The following ENTPD8 variants were observed in gnomAD, a reference collection of about 807,000 sequenced individuals.
ENTPD8 encodes the protein ectonucleoside triphosphate diphosphohydrolase 8.
Under a neutral mutation model 47.0 loss-of-function variants are expected in ENTPD8, and 35 were observed. That is an observed-to-expected ratio of 0.75 (90% CI 0.57 to 0.99). The LOEUF (loss-of-function observed/expected upper bound fraction) is 0.99. ENTPD8 is among the 50% of genes least tolerant of loss of function. The pLI is 0.00. For missense variants in ENTPD8, 668 were observed against 649.9 expected, an observed-to-expected ratio of 1.03 and a Z score of -0.30; for synonymous variants, 308 against 290.5, an observed-to-expected ratio of 1.06 and a Z score of -0.61.
In ENTPD8 at chr9:137,436,698, G is replaced by C. The variant is rs575965553; in HGVS notation, c.609C>G (p.Ala203=). 1 of 1,598,384 alleles carries C rather than the reference G, an allele frequency of 6.3e-7. No homozygotes were observed. The highest frequency in any genetic ancestry group is 1.1e-5 in the South Asian group (1 of 89,424). The change falls in exon 6 of 10, where the codon GCC becomes GCG. Residue 203 remains alanine (A), a synonymous_variant. Coordinates refer to ENST00000371506, the MANE Select transcript of ENTPD8 (RefSeq NM_001033113.2). ...IQPPEEMLVG[A]LDMGGASTQI... The stretch of plus-strand genomic sequence containing the variant: ...GGGTGGAGGCCCCTCCCATGTCCAG[G>C]GCACCCACCAGCATCTCCTCCGGAG...
chr9:137,435,042 C>T lies in ENTPD8; in HGVS notation c.1360G>A (p.Ala454Thr). The change falls in exon 10 of 10, where the codon GCC (alanine) becomes ACC (threonine). Residue 454 changes from alanine to threonine, a missense_variant. Ala to Thr is a moderately conservative substitution (Grantham distance 58, BLOSUM62 0). Transcript: ENST00000371506. ...YMLNLTGMIP[A>T]DAPAQWRAES... The stretch of plus-strand genomic sequence containing the variant: ...GCCCGCCACTGAGCCGGCGCATCGG[C>T]CGGGATCATCCCGGTCAGGTTCAGC... The T allele has an allele frequency of 6.2e-7, 1 of 1,612,644 alleles. No homozygotes were observed. Among genetic ancestry groups the T allele is most frequent in the Non-Finnish European group, 8.5e-7 (1 of 1,179,892 alleles).
chr9:137,436,217 C>T lies in ENTPD8; in HGVS notation c.846G>A (p.Leu282=), dbSNP rs1232317644. ...PCYLSGYQTT[L]ALGPLYESPC... is the part of the protein sequence containing the mutation. ...GTGACTCATACAGCGGGCCCAGGGC[C>T]AGTGTGGTCTGGTAGCCGCTGAGGT... Residue 282 remains leucine, a synonymous_variant, in exon 7 of 10, where the codon CTG becomes CTA. Coordinates refer to ENST00000371506, the MANE Select transcript of ENTPD8 (RefSeq NM_001033113.2). The T allele has an allele frequency of 6.2e-7, 1 of 1,610,936 alleles. No homozygotes were observed. The highest frequency in any genetic ancestry group is 8.5e-7 in the Non-Finnish European group (1 of 1,178,644).
At position 137,435,236 on chromosome 9, in the gene ENTPD8, C is replaced by T; in HGVS notation, c.1264G>A (p.Glu422Lys). The change falls in exon 9 of 10, where the codon GAG (glutamate) becomes AAG (lysine). Residue 422 changes from glutamate (E) to lysine (K), a missense_variant. Coordinates refer to ENST00000371506, the MANE Select transcript of ENTPD8 (RefSeq NM_001033113.2). ...CGGAACTCGAGGCTGGGCCAGGTCT[C>T]CTCGCTGAACCCGTAGCCCTCGTGC... Reference protein sequence around the residue: ...LLHEGYGFSEETWPSLEFRKQ... With the variant: ...LLHEGYGFSEKTWPSLEFRKQ... 6.2e-7 allele frequency: 1 copy of T among 1,612,184 alleles called. No homozygotes were observed. Among genetic ancestry groups the T allele is most frequent in the Non-Finnish European group, 8.5e-7 (1 of 1,179,840 alleles).
chr9:137,436,355 C>G (rs1032691292), intron 6 of ENTPD8, 79 bp from the exon 7 acceptor site: 2 of 1,444,814 alleles, frequency 1.4e-6, no homozygotes, highest in African/African-American at 2.9e-5. Context: ...ATGACCCACG[C>G]CAGCCCCGCG....
chr9:137,438,681 G>A lies in ENTPD8; in HGVS notation c.-20-376C>T, dbSNP rs936029850. The stretch of plus-strand genomic sequence containing the variant: ...ATAGAGGCATCCCCGGGGCTCAGAC[G>A]CCTCCCGTGGCCAAGGACCACTCCC... On this transcript the variant is annotated intron_variant, in intron 1 of 9. Coordinates refer to ENST00000371506, the MANE Select transcript of ENTPD8 (RefSeq NM_001033113.2). The surrounding 1 kb of genome is among the most constrained non-coding windows in gnomAD (Gnocchi z 5.7). 1.1e-4 allele frequency among the ~76,000 whole-genome samples: 17 copies of A among 151,344 alleles called. No homozygotes were observed. Among genetic ancestry groups the A allele is most frequent in the Non-Finnish European group, 2.2e-4 (15 of 67,702 alleles).
At chr9:137,435,591 T>C (rs1839321909) in intron 8 of ENTPD8, 128 bp downstream of exon 8, 1 of 1,078,302 alleles carries the variant, frequency 9.3e-7, no homozygotes, top group Non-Finnish European at 1.3e-6. Context: ...CCTGGAGCTG[T>C]CCTCTGCCCT....
In ENTPD8 at chr9:137,436,666, G is replaced by A. The variant is rs748540544; in HGVS notation, c.641C>T (p.Thr214Met). 7.5e-6 allele frequency: 12 copies of A among 1,599,354 alleles called. No individual in the cohort carries two copies. Among genetic ancestry groups the A allele is most frequent in the South Asian group, 3.4e-5 (3 of 89,354 alleles). Residue 214 changes from threonine (T) to methionine (M), a missense_variant, in exon 6 of 10, where the codon ACG becomes ATG. Physicochemically the swap from Thr to Met is moderately conservative, Grantham distance 81 (BLOSUM62 -1). Coordinates refer to ENST00000371506, the MANE Select transcript of ENTPD8 (RefSeq NM_001033113.2). ...CAAGATGGGGCCCCCAGGCACGAACGTGATCTGGGTGGAGGCCCCTCCCAT... is the reference window on the plus strand; with the variant it reads ...CAAGATGGGGCCCCCAGGCACGAACATGATCTGGGTGGAGGCCCCTCCCAT... Reference protein sequence around the residue: ...LDMGGASTQITFVPGGPILDK... With the variant: ...LDMGGASTQIMFVPGGPILDK...
rs548059693 is a variant in ENTPD8, at chr9:137,436,325, G to A, written c.787-49C>T. 35 of 1,499,790 alleles carry A rather than the reference G, an allele frequency of 2.3e-5. No homozygotes were observed. The South Asian group carries it at 3.8e-4, about 16-fold the overall frequency. 92.9% of individuals were successfully genotyped at this position (1,499,790 alleles called of 1,614,324 possible). ...GCACCAGCCGCACACCTGCGGCCCT[G>A]TGCCCCTCCCCGGGGCCGGATGACC... On this transcript the variant is annotated intron_variant, in intron 6 of 9. Transcript: ENST00000371506.
chr9:137,439,905 C>T (rs1332909941), intron 1 of ENTPD8, among the ~76,000 whole-genome samples: 6 of 97,276 alleles, frequency 6.2e-5, no homozygotes, highest in South Asian at 4.4e-4. Context: ...ACAGCCCCCC[C>T]GAGACCAGGA....
rs770419174 is a variant in ENTPD8, at chr9:137,436,692, G to A, written c.615C>T (p.Asp205=). ...PPEEMLVGAL[D]MGGASTQITF... ...TGATCTGGGTGGAGGCCCCTCCCAT[G>A]TCCAGGGCACCCACCAGCATCTCCT... is the stretch of plus-strand genomic sequence containing the variant. Residue 205 remains aspartate (D), a synonymous_variant, in exon 6 of 10, where the codon GAC becomes GAT. Transcript: ENST00000371506. 2.1e-5 allele frequency: 34 copies of A among 1,598,310 alleles called. No individual in the cohort carries two copies. In the South Asian group the frequency reaches 3.7e-4, roughly 17 times the overall value.
rs1839364517 is a variant in ENTPD8 at position 137,436,508 on chromosome 9, A to G, written c.786+13T>C. ...TCCCACAGCCCCATGCACCCTCCCC[A>G]GGGCCAGCTGACCTGTACCAGCCCC... is the stretch of plus-strand genomic sequence containing the variant. On this transcript the variant is annotated intron_variant, in intron 6 of 9. Coordinates refer to ENST00000371506, the MANE Select transcript of ENTPD8 (RefSeq NM_001033113.2). 1 of 1,590,750 alleles carries G rather than the reference A, an allele frequency of 6.3e-7. No individual in the cohort carries two copies. Among genetic ancestry groups the G allele is most frequent in the Non-Finnish European group, 8.6e-7 (1 of 1,168,966 alleles).
rs1454874012 is a variant in ENTPD8 at position 137,438,829 on chromosome 9, C to G, written c.-20-524G>C. Among the ~76,000 whole-genome samples the G allele has an allele frequency of 6.6e-6, 1 of 152,094 alleles. No individual in the cohort carries two copies. The highest frequency in any genetic ancestry group is 2.4e-5 in the African/African-American group (1 of 41,398). On this transcript the variant is annotated intron_variant, in intron 1 of 9. Coordinates refer to ENST00000371506, the MANE Select transcript of ENTPD8 (RefSeq NM_001033113.2). The surrounding 1 kb of genome is among the most constrained non-coding windows in gnomAD (Gnocchi z 5.7). ...CAGGATCCAAGTAGCCCCCTCGGACCCCCTCGGATGGGACTCGCGGAGCTG... is the reference window on the plus strand; with the variant it reads ...CAGGATCCAAGTAGCCCCCTCGGACGCCCTCGGATGGGACTCGCGGAGCTG...
At chr9:137,436,405 CGCCAGCCCCGCGCCCA>C in intron 6 of ENTPD8, 100 bp downstream of exon 6, 1 of 1,339,794 alleles carries the variant, frequency 7.5e-7, no homozygotes, top group Non-Finnish European at 1.0e-6. Context: ...GGATGACCCA[CGCCAGCCCCGCGCCCA>C]TACCCTGTGC....
intron 5 of ENTPD8, 37 bp downstream of exon 5, chr9:137,436,832 C>T (rs201213794): frequency 1.5e-5 from 24 of 1,607,128 alleles, no homozygotes; most frequent in Middle Eastern, 1.6e-4. Flanking sequence ...ACCAGCCCCT[C>T]GCAGACCAGC....
chr9:137,440,321 C>A (rs1380306868), intron 1 of ENTPD8, among the ~76,000 whole-genome samples: 3 of 21,872 alleles, frequency 1.4e-4, no homozygotes, highest in Non-Finnish European at 1.6e-4. Context: ...CCAGGACAGC[C>A]CCCCCCAGAC....
rs764975472 is a variant in ENTPD8 at position 137,436,206 on chromosome 9, G to C, written c.857C>G (p.Pro286Arg). The stretch of plus-strand genomic sequence containing the variant: ...GTGGACACAGGGTGACTCATACAGC[G>C]GGCCCAGGGCCAGTGTGGTCTGGTA... Reference protein sequence around the residue: ...SGYQTTLALGPLYESPCVHAT... With the variant: ...SGYQTTLALGRLYESPCVHAT... Residue 286 changes from proline to arginine, a missense_variant, in exon 7 of 10, where the codon CCG (proline) becomes CGG (arginine). Pro to Arg is a moderately radical substitution (Grantham distance 103, BLOSUM62 -2). Transcript: ENST00000371506. The C allele has an allele frequency of 6.2e-7, 1 of 1,612,192 alleles. No homozygotes were observed. The highest frequency in any genetic ancestry group is 1.1e-5 in the South Asian group (1 of 91,082).
Position 137,436,178 on chromosome 9 carries a change from G to A in ENTPD8, c.885C>T (p.Ala295=). ...TCTGGGGGAGGCTCAGCGGGGGCGT[G>A]GCGTGGACACAGGGTGACTCATACA... is the stretch of plus-strand genomic sequence containing the variant. The part of the protein sequence containing the change: ...GPLYESPCVH[A]TPPLSLPQNL... Residue 295 remains alanine (A), a synonymous_variant, in exon 7 of 10, where the codon GCC becomes GCT. Transcript: ENST00000371506. The A allele has an allele frequency of 1.9e-6, 3 of 1,612,920 alleles. No homozygotes were observed. The highest frequency in any genetic ancestry group is 2.5e-6 in the Non-Finnish European group (3 of 1,179,970).
In ENTPD8 at chr9:137,438,045, G is replaced by C. The variant is rs551375296; in HGVS notation, c.166C>G (p.Leu56Val). 1.4e-5 allele frequency: 22 copies of C among 1,613,012 alleles called. No individual in the cohort carries two copies. The African/African-American group carries it at 2.5e-4, about 19-fold the overall frequency. Residue 56 changes from leucine (L) to valine (V), a missense_variant, in exon 3 of 10, where the codon CTC becomes GTC. Physicochemically the swap from Leu to Val is conservative, Grantham distance 32. Transcript: ENST00000371506. This position sits in a 1 kb window ranked among gnomAD's most constrained non-coding sequence, Gnocchi z 5.7. Reference protein sequence around the residue: ...VFDAGSSHTSLFLYQWLANKE... With the variant: ...VFDAGSSHTSVFLYQWLANKE... ...TTCGCCAGCCACTGATACAGGAAGA[G>C]GGACGTGTGGGAGGAGCCCGCATCA... is the stretch of plus-strand genomic sequence containing the variant.
intron 8 of ENTPD8, 24 bp from the exon 9 acceptor site, chr9:137,435,362 C>T (rs950503997): frequency 1.1e-5 from 17 of 1,599,972 alleles, no homozygotes; most frequent in South Asian, 4.4e-5. Flanking sequence ...GACCAAGAGG[C>T]GAGGTGAGGG....
Sources: allele counts gnomAD v4.1 joint callset (sites outside exome capture counted in the v4.1 genomes callset), GRCh38; gene constraint gnomAD v4.1.1; non-coding constraint Gnocchi (gnomAD v3.1); transcripts MANE v1.5; gene names NCBI Gene and HGNC (gene_info 2026-07-23, HGNC 2026-07-21).